GLT1D1: variants seen among roughly 807,000 people sequenced by gnomAD.
GLT1D1 encodes the protein glycosyltransferase 1 domain-containing protein 1.
GLT1D1 carries 21 observed loss-of-function variants against 28.7 expected under a neutral mutation model. That is an observed-to-expected ratio of 0.73 (90% CI 0.52 to 1.05). GLT1D1 has a LOEUF of 1.05. GLT1D1 is among the 50% of genes least tolerant of loss of function. The pLI is 0.00. For synonymous variants in GLT1D1, 147 were observed against 124.8 expected (o/e 1.18, Z -1.19); for missense variants, 343 against 330.6 (o/e 1.04, Z -0.29).
chr12:128,865,018 G>T (rs1956480306), intron 1 of GLT1D1, among the ~76,000 whole-genome samples: 1 of 152,202 alleles, frequency 6.6e-6, no homozygotes, highest in African/African-American at 2.4e-5. Flanking sequence ...CTGGTTCATT[G>T]CCAAAGCCTC....
chr12:128,853,629 G>C lies in GLT1D1; in HGVS notation c.48G>C (p.Ala16=), dbSNP rs1435789211. The C allele has an allele frequency of 8.5e-7, 1 of 1,179,300 alleles. No individual in the cohort carries two copies. Among genetic ancestry groups the C allele is most frequent in the Non-Finnish European group, 1.1e-6 (1 of 943,194 alleles). The allele number at this position is 1,179,300 out of a possible 1,614,324, so 73.1% of individuals were successfully genotyped here. A position where few individuals can be genotyped will look rare whatever the true frequency, so the allele number is the denominator to read the frequency against. ...TGCTGCGGCCACACACCGGCAACGC[G>C]GTCACGGCCCAGCGCGTTCGGTAGG... Residue 16 remains alanine (A), a synonymous_variant, in exon 1 of 8, where the codon GCG becomes GCC. Transcript: ENST00000281703.
intron 7 of GLT1D1, among the ~76,000 whole-genome samples, chr12:128,982,260 G>A (rs1281690696): frequency 2.0e-5 from 3 of 152,246 alleles, no homozygotes; most frequent in African/African-American, 7.2e-5. Context: ...TGGGTTTACC[G>A]ATTAAGTATG....
At chr12:128,911,827 G>C (rs1315645687) in intron 4 of GLT1D1, among the ~76,000 whole-genome samples, 1 of 151,938 alleles carries the variant, frequency 6.6e-6, no homozygotes, top group Non-Finnish European at 1.5e-5. Flanking sequence ...GTCATGCAAG[G>C]GCCGCCTTTT....
chr12:128,874,132 T>C (rs922336089), intron 1 of GLT1D1, among the ~76,000 whole-genome samples: 1,215 of 53,194 alleles, frequency 0.023, 21 homozygotes, highest in Admixed American at 0.055. Flanking sequence ...CTCTCTTTCT[T>C]TCTTTCTTTC....
At chr12:128,890,026 G>C (rs961635012) in intron 3 of GLT1D1, among the ~76,000 whole-genome samples, 1 of 152,096 alleles carries the variant, frequency 6.6e-6, no homozygotes, top group African/African-American at 2.4e-5. Context: ...CACCTGCCTC[G>C]GCCTCCCAAA....
intron 4 of GLT1D1, among the ~76,000 whole-genome samples, chr12:128,920,258 A>G (rs1872542924): frequency 6.6e-6 from 1 of 152,202 alleles, no homozygotes; most frequent in African/African-American, 2.4e-5. Flanking sequence ...AAAATAATGA[A>G]GAGTGTGTCC....
At chr12:128,895,158 C>T (rs1869483416) in intron 3 of GLT1D1, among the ~76,000 whole-genome samples, 1 of 150,902 alleles carries the variant, frequency 6.6e-6, no homozygotes, top group Non-Finnish European at 1.5e-5. Flanking sequence ...GTCCTGGTTC[C>T]TTTATAATTT....
At chr12:128,951,631 C>T (rs958336279) in intron 6 of GLT1D1, among the ~76,000 whole-genome samples, 3 of 152,162 alleles carry the variant, frequency 2.0e-5, no homozygotes, top group South Asian at 2.1e-4. Context: ...GAGTCATGCA[C>T]GGTGCCCTCC....
At chr12:128,969,815 G>C (rs1565921696) in intron 7 of GLT1D1, among the ~76,000 whole-genome samples, 1 of 152,198 alleles carries the variant, frequency 6.6e-6, no homozygotes, top group Non-Finnish European at 1.5e-5. Context: ...CCTGACACTT[G>C]GCTCTCCACC....
intron 2 of GLT1D1, among the ~76,000 whole-genome samples, chr12:128,883,678 C>A (rs1957116781): frequency 6.6e-6 from 1 of 151,526 alleles, no homozygotes; most frequent in South Asian, 2.1e-4. Context: ...GAGAGACAAA[C>A]CTCTAGCACA....
intron 1 of GLT1D1, among the ~76,000 whole-genome samples, chr12:128,855,387 C>A (rs1956192619): frequency 6.6e-6 from 1 of 151,058 alleles, no homozygotes; most frequent in Admixed American, 6.6e-5. Context: ...CATGGTGAAA[C>A]CCTCATCTCT....
intron 7 of GLT1D1, among the ~76,000 whole-genome samples, chr12:128,971,845 C>CTCCCTTCTTTGCTCCCTCCCTTCT (rs1565923900): frequency 5.0e-5 from 4 of 79,292 alleles, no homozygotes; most frequent in Non-Finnish European, 6.8e-5. Context: ...CCCTCCCTTC[C>CTCCCTTCTTTGCTCCCTCCCTTCT]TCTCTCCCTT....
intron 6 of GLT1D1, among the ~76,000 whole-genome samples, chr12:128,956,173 G>A (rs3996460): frequency 0.068 from 1,004 of 14,772 alleles, 7 homozygotes; most frequent in Non-Finnish European, 0.12. Flanking sequence ...AAAAAAAAAA[G>A]AGAAAGAGAG....
At chr12:128,959,413 G>GGC (rs1555219953) in intron 7 of GLT1D1, among the ~76,000 whole-genome samples, 195 of 87,106 alleles carry the variant, frequency 2.2e-3, no homozygotes, top group Middle Eastern at 0.011. Context: ...TGAGGCAGTG[G>GGC]GGGGGGACGG....
intron 3 of GLT1D1, among the ~76,000 whole-genome samples, chr12:128,890,362 T>C (rs1224255868): frequency 2.0e-5 from 3 of 152,212 alleles, no homozygotes; most frequent in Non-Finnish European, 4.4e-5. Flanking sequence ...TGTCATTGTG[T>C]CTTTTGACAA....
chr12:128,944,784 A>G, intron 4 of GLT1D1: 1 of 411,252 alleles, frequency 2.4e-6, no homozygotes, highest in Admixed American at 3.6e-5. Context: ...GCCTTGGCTA[A>G]CACGTCAATT....
chr12:128,897,695 G>A (rs1482399389), intron 3 of GLT1D1, among the ~76,000 whole-genome samples: 1 of 151,928 alleles, frequency 6.6e-6, no homozygotes, highest in Non-Finnish European at 1.5e-5. Context: ...TTGAGACAGA[G>A]TCTCGCTCTG....
chr12:128,914,913 T>A lies in GLT1D1; in HGVS notation c.375+15626T>A. On this transcript the variant is annotated intron_variant, in intron 4 of 7. Coordinates refer to ENST00000281703, the MANE Select transcript of GLT1D1 (RefSeq NM_144669.3). ...GTCGCTTCAAAGTGAACTTGCCCTTTTTTTGTTTCTTTGACCCAGGAATTG... is the reference window on the plus strand; with the variant it reads ...GTCGCTTCAAAGTGAACTTGCCCTTATTTTGTTTCTTTGACCCAGGAATTG... The A allele has an allele frequency of 6.5e-7, 1 of 1,534,376 alleles. No individual in the cohort carries two copies. Among genetic ancestry groups the A allele is most frequent in the South Asian group, 1.2e-5 (1 of 84,020 alleles).
At chr12:128,913,714 C>T (rs1472050481) in intron 4 of GLT1D1, among the ~76,000 whole-genome samples, 1 of 152,210 alleles carries the variant, frequency 6.6e-6, no homozygotes, top group Non-Finnish European at 1.5e-5. Context: ...CCTGTCATCA[C>T]CGTGTCCTTG....
Sources: gnomAD v4.1 joint callset for allele counts (sites outside exome capture counted in the v4.1 genomes callset) on GRCh38, gnomAD v4.1.1 for gene constraint, MANE v1.5 for transcripts, NCBI Gene and HGNC (gene_info 2026-07-23, HGNC 2026-07-21) for gene names.